Variants in GLMN observed in about 807,000 individuals in gnomAD.
GLMN encodes glomulin, FKBP associated protein.
A neutral mutation model predicts 87.8 loss-of-function variants in GLMN; 75 were observed. The ratio of observed to expected loss-of-function variants is 0.85; its 90% confidence interval spans 0.71 to 1.04. The LOEUF is 1.04. GLMN is among the 50% of genes least tolerant of loss of function. The pLI is 0.00. For missense variants in GLMN, 588 were observed against 658.8 expected (o/e 0.89, Z 1.18); for synonymous variants, 206 against 221.6 (o/e 0.93, Z 0.63).
intron 7 of GLMN, among the ~76,000 whole-genome samples, chr1:92,272,753 G>A (rs1187053730): frequency 6.6e-6 from 1 of 152,110 alleles, no homozygotes; most frequent in East Asian, 1.9e-4. Flanking sequence ...TGCATGAGTG[G>A]GTAGGACCAC....
At chr1:92,264,070 T>A (rs993223583) in intron 14 of GLMN, among the ~76,000 whole-genome samples, 1 of 152,096 alleles carries the variant, frequency 6.6e-6, no homozygotes. Flanking sequence ...AATCCCAGCA[T>A]TTTGGGAGGC....
In GLMN at chr1:92,297,436, G is replaced by C. The variant is rs752121493; in HGVS notation, c.133C>G (p.Leu45Val). The change falls in exon 3 of 19, where the codon CTA becomes GTA. Residue 45 changes from leucine (L) to valine (V), a missense_variant. Coordinates refer to ENST00000370360, the MANE Select transcript of GLMN (RefSeq NM_053274.3). ...RCIEEGHTDQ[L>V]LEIIQNEKNK... is the part of the protein sequence containing the mutation. ...TTTTCATTTTGAATAATTTCTAATA[G>C]CTGGTCTGTGTGCCCTTCTTCTATG... 1.9e-6 allele frequency: 3 copies of C among 1,609,730 alleles called. No homozygotes were observed. In the Admixed American group the frequency reaches 5.0e-5, roughly 27 times the overall value.
At chr1:92,368,977 G>A in the GLMN span, among the ~76,000 whole-genome samples, 2 of 152,186 alleles carry the variant, frequency 1.3e-5, no homozygotes. Context: ...TTCCTCATTT[G>A]TGATTTATAC....
At chr1:92,334,856 C>T in the GLMN span, among the ~76,000 whole-genome samples, 2 of 151,982 alleles carry the variant, frequency 1.3e-5, no homozygotes, top group African/African-American at 2.4e-5. Flanking sequence ...GGCGTGGTGG[C>T]GGATGCCTGT....
At chr1:92,368,411 C>G in the GLMN span, among the ~76,000 whole-genome samples, 1 of 152,120 alleles carries the variant, frequency 6.6e-6, no homozygotes, top group South Asian at 2.1e-4. Flanking sequence ...TCGTTACTGA[C>G]TTTTATTGTA....
intron 5 of GLMN, 147 bp from the exon 6 acceptor site, chr1:92,289,298 T>G (rs1649131025): frequency 1.4e-6 from 1 of 710,938 alleles, no homozygotes; most frequent in Non-Finnish European, 2.6e-6. Context: ...ATTGGCAGTG[T>G]TTTTTTCTTC....
At chr1:92,277,721 G>C (rs74381077) in intron 7 of GLMN, among the ~76,000 whole-genome samples, 2,132 of 152,264 alleles carry the variant, frequency 0.014, 50 homozygotes, top group African/African-American at 0.048. Flanking sequence ...CAGTAGGGTG[G>C]TGCATCCAGG....
chr1:92,281,703 G>C (rs1648076215), intron 7 of GLMN, among the ~76,000 whole-genome samples: 1 of 152,022 alleles, frequency 6.6e-6, no homozygotes, highest in African/African-American at 2.4e-5. Context: ...AAACCCATTG[G>C]TGTGCTGTAT....
chr1:92,323,556 C>T, the GLMN span: 30 of 1,612,938 alleles, frequency 1.9e-5, no homozygotes, highest in African/African-American at 2.7e-5. Flanking sequence ...CTAGCACTCA[C>T]AGTGATAGTA....
At chr1:92,300,898 A>G (rs1425308935), upstream of GLMN, among the ~76,000 whole-genome samples, 1 of 152,112 alleles carries the variant, frequency 6.6e-6, no homozygotes, top group Admixed American at 6.5e-5. Flanking sequence ...GGAATAAATA[A>G]TAATAAATTA....
At chr1:92,298,639 T>C (rs370291387) in intron 1 of GLMN, among the ~76,000 whole-genome samples, 3 of 152,276 alleles carry the variant, frequency 2.0e-5, no homozygotes, top group East Asian at 1.9e-4. Flanking sequence ...AACGGCGGCC[T>C]TCAGGAGGAG....
At chr1:92,298,762 G>C (rs754251034) in intron 1 of GLMN, among the ~76,000 whole-genome samples, 163 bp downstream of exon 1, 8 of 152,262 alleles carry the variant, frequency 5.3e-5, no homozygotes, top group Non-Finnish European at 1.2e-4. Flanking sequence ...CAGCGCGCGT[G>C]CGGGCTGCAT....
chr1:92,363,063 AG>A, the GLMN span, among the ~76,000 whole-genome samples: 7 of 152,138 alleles, frequency 4.6e-5, no homozygotes, highest in African/African-American at 1.7e-4. Flanking sequence ...CTCCTTCTCC[AG>A]GGGGAAAAAA....
the GLMN span, among the ~76,000 whole-genome samples, chr1:92,312,549 C>T: frequency 2.0e-5 from 3 of 152,150 alleles, no homozygotes; most frequent in Non-Finnish European, 4.4e-5. Context: ...GAGTAGATTC[C>T]ATCTCAAGAA....
At chr1:92,279,456 C>CAA (rs35221344) in intron 7 of GLMN, among the ~76,000 whole-genome samples, 1,953 of 70,676 alleles carry the variant, frequency 0.028, 125 homozygotes, top group African/African-American at 0.07. Flanking sequence ...GACTCTGTCA[C>CAA]AAAAAAAAAA....
At chr1:92,252,431 CAT>C (rs1292013357) in intron 16 of GLMN, among the ~76,000 whole-genome samples, 3 of 152,122 alleles carry the variant, frequency 2.0e-5, no homozygotes, top group Non-Finnish European at 2.9e-5. Context: ...TAAATAGTCA[CAT>C]GTGTCTACTG....
rs139873200 is a variant in GLMN at position 92,289,004 on chromosome 1, A to G, written c.542T>C (p.Ile181Thr). The G allele has an allele frequency of 7.0e-4, 1,128 of 1,612,634 alleles. 19 individuals are homozygous for G. The South Asian group carries it at 0.011, about 16-fold the overall frequency. The change falls in exon 6 of 19, where the codon ATA becomes ACA. Residue 181 changes from isoleucine to threonine, a missense_variant. Ile to Thr is a moderately conservative substitution (Grantham distance 89, BLOSUM62 -1). Coordinates refer to ENST00000370360, the MANE Select transcript of GLMN (RefSeq NM_053274.3). ...TTCCACAAAAGGCTTAGTGAACTCT[A>G]TTAAGGCCTTGCAACACTGACAAAG... ...YGLCQCCKALIEFTKPFVEEV... is the reference protein window; with the variant it reads ...YGLCQCCKALTEFTKPFVEEV...
chr1:92,309,672 C>T, the GLMN span, among the ~76,000 whole-genome samples: 1 of 152,002 alleles, frequency 6.6e-6, no homozygotes, highest in Non-Finnish European at 1.5e-5. Flanking sequence ...TCACTGGATG[C>T]CAGAACATGA....
intron 16 of GLMN, among the ~76,000 whole-genome samples, chr1:92,250,756 G>T (rs541134083): frequency 1.3e-5 from 2 of 152,224 alleles, no homozygotes; most frequent in African/African-American, 4.8e-5. Context: ...GTGCTTGCCT[G>T]TTCATGAGGT....
Sources: allele counts gnomAD v4.1 joint callset (sites outside exome capture counted in the v4.1 genomes callset), GRCh38; gene constraint gnomAD v4.1.1; transcripts MANE v1.5; gene names NCBI Gene and HGNC (gene_info 2026-07-23, HGNC 2026-07-21).